The following CLSTN2 variants were observed in gnomAD, a reference collection of about 807,000 sequenced individuals.
CLSTN2 encodes calsyntenin-2.
CLSTN2 carries 48 observed loss-of-function variants against 101.2 expected under a neutral mutation model. The ratio of observed to expected loss-of-function variants is 0.47; its 90% confidence interval spans 0.38 to 0.60. CLSTN2 has a LOEUF of 0.60. Among genes scored for constraint, CLSTN2 ranks in the 20% least tolerant of loss-of-function variants. The pLI is 0.00. For synonymous variants in CLSTN2, 481 were observed against 463.6 expected, an observed-to-expected ratio of 1.04 and a Z score of -0.48; for missense variants, 1,160 against 1,238.2, an observed-to-expected ratio of 0.94 and a Z score of 0.95.
chr3:140,487,926 G>A (rs1439227789), intron 8 of CLSTN2, among the ~76,000 whole-genome samples: 1 of 152,190 alleles, frequency 6.6e-6, no homozygotes. Context: ...GCCCACAATA[G>A]GGTTATAAAT....
rs72988127 is a variant in CLSTN2, at chr3:140,205,101, G to A, written c.232+29028G>A. ...ACGGCCCTTGTTCCATCCAGGAAGA[G>A]GGAAGACCTATTATTTGAATCTTCA... On this transcript the variant is annotated intron_variant, in intron 2 of 16. Transcript: ENST00000458420. Among the ~76,000 whole-genome samples, 1,102 of 152,266 alleles carry A rather than the reference G, an allele frequency of 7.2e-3. 13 individuals carry two copies. Among genetic ancestry groups the A allele is most frequent in the African/African-American group, 0.025 (1,026 of 41,556 alleles).
chr3:140,251,011 G>A (rs887568929), intron 2 of CLSTN2, among the ~76,000 whole-genome samples: 5 of 152,258 alleles, frequency 3.3e-5, no homozygotes, highest in African/African-American at 4.8e-5. Flanking sequence ...TCCATGTGGC[G>A]GATATGTCCA....
intron 7 of CLSTN2, among the ~76,000 whole-genome samples, chr3:140,466,088 C>T (rs912799971): frequency 2.0e-5 from 3 of 152,144 alleles, no homozygotes; most frequent in African/African-American, 7.2e-5. Flanking sequence ...TCCCCTCCTC[C>T]CAGCAGCTAA....
At chr3:140,372,413 C>T (rs1327239988) in intron 2 of CLSTN2, among the ~76,000 whole-genome samples, 1 of 152,110 alleles carries the variant, frequency 6.6e-6, no homozygotes, top group Non-Finnish European at 1.5e-5. Context: ...TAGGTATTTC[C>T]TCTTTCTGGA....
rs185318518 is a variant in CLSTN2 at position 140,439,683 on chromosome 3, G to A, written c.788-8836G>A. ...ACGACATTTCAATTCAGGTGGGTGG[G>A]GGGTGTGCACACATACACAGCACAC... On this transcript the variant is annotated intron_variant, in intron 5 of 16. Transcript: ENST00000458420. Among the ~76,000 whole-genome samples, 16 of 152,266 alleles carry A rather than the reference G, an allele frequency of 1.1e-4. No homozygotes were observed. In the East Asian group the frequency reaches 2.7e-3, roughly 26 times the overall value.
intron 9 of CLSTN2, among the ~76,000 whole-genome samples, chr3:140,543,685 T>G (rs371796455): frequency 1.3e-5 from 2 of 152,334 alleles, no homozygotes; most frequent in African/African-American, 2.4e-5. Context: ...GCAAGATAGC[T>G]GCAACAGCCA....
chr3:140,068,795 G>A (rs1336193033), intron 1 of CLSTN2, among the ~76,000 whole-genome samples: 3 of 152,218 alleles, frequency 2.0e-5, no homozygotes, highest in South Asian at 2.1e-4. Context: ...CATGGACACA[G>A]TGGTAGAAAT....
At chr3:140,455,996 C>T (rs1576577522) in intron 6 of CLSTN2, among the ~76,000 whole-genome samples, 1 of 152,146 alleles carries the variant, frequency 6.6e-6, no homozygotes, top group South Asian at 2.1e-4. Flanking sequence ...CTCAGTGTGC[C>T]CCTCTGTCAG....
chr3:140,034,753 C>T (rs911727188), intron 1 of CLSTN2, among the ~76,000 whole-genome samples: 4 of 152,224 alleles, frequency 2.6e-5, no homozygotes, highest in Non-Finnish European at 5.9e-5. Flanking sequence ...AACCTCCTCA[C>T]TCTGTAGTGT....
intron 8 of CLSTN2, among the ~76,000 whole-genome samples, chr3:140,487,636 C>T (rs1934266825): frequency 6.6e-6 from 1 of 152,216 alleles, no homozygotes; most frequent in South Asian, 2.1e-4. Context: ...ATGGGAAAGA[C>T]AGAACTCTCC....
chr3:140,494,021 T>C (rs1267129533), intron 8 of CLSTN2, among the ~76,000 whole-genome samples: 1 of 152,244 alleles, frequency 6.6e-6, no homozygotes, highest in Admixed American at 6.5e-5. Flanking sequence ...GAAGGATTTC[T>C]ATCTGGACTC....
At chr3:140,049,082 A>C (rs889010040) in intron 1 of CLSTN2, among the ~76,000 whole-genome samples, 11 of 152,178 alleles carry the variant, frequency 7.2e-5, no homozygotes, top group African/African-American at 2.7e-4. Flanking sequence ...CCAGAGAAAC[A>C]ATTGAAGGGA....
chr3:140,361,498 A>T (rs189018273), intron 2 of CLSTN2, among the ~76,000 whole-genome samples: 4 of 152,282 alleles, frequency 2.6e-5, no homozygotes, highest in Admixed American at 2.6e-4. Context: ...AAAACAAACA[A>T]AAAGATATTA....
chr3:140,246,993 G>A (rs2086523914), intron 2 of CLSTN2, among the ~76,000 whole-genome samples: 1 of 152,130 alleles, frequency 6.6e-6, no homozygotes, highest in African/African-American at 2.4e-5. Flanking sequence ...AATACCTGGG[G>A]GCCATAGTTA....
intron 1 of CLSTN2, among the ~76,000 whole-genome samples, chr3:139,978,255 A>G (rs767609208): frequency 1.3e-5 from 2 of 152,226 alleles, no homozygotes; most frequent in African/African-American, 4.8e-5. Flanking sequence ...TGTTGGTGTT[A>G]GAACTGTTTT....
At chr3:140,344,412 C>T (rs1035130681) in intron 2 of CLSTN2, among the ~76,000 whole-genome samples, 2 of 152,236 alleles carry the variant, frequency 1.3e-5, no homozygotes, top group Non-Finnish European at 2.9e-5. Flanking sequence ...GCCACTCCAA[C>T]ATCACGTTGC....
intron 1 of CLSTN2, among the ~76,000 whole-genome samples, chr3:140,042,093 G>A (rs897621061): frequency 6.6e-6 from 1 of 152,168 alleles, no homozygotes; most frequent in African/African-American, 2.4e-5. Flanking sequence ...ACAGAGCTGT[G>A]TAACCATCAC....
intron 1 of CLSTN2, among the ~76,000 whole-genome samples, chr3:140,041,015 C>A (rs953294907): frequency 6.6e-6 from 1 of 152,028 alleles, no homozygotes; most frequent in African/African-American, 2.4e-5. Context: ...TCAGACGGCC[C>A]GAGTGGAGAA....
At chr3:140,104,244 C>T (rs1390996036) in intron 1 of CLSTN2, among the ~76,000 whole-genome samples, 1 of 152,168 alleles carries the variant, frequency 6.6e-6, no homozygotes, top group East Asian at 1.9e-4. Flanking sequence ...CCCACCTGCC[C>T]TCTCCTTCAT....
Sources: gnomAD v4.1 joint callset for allele counts (sites outside exome capture counted in the v4.1 genomes callset) on GRCh38, gnomAD v4.1.1 for gene constraint, MANE v1.5 for transcripts, NCBI Gene and HGNC (gene_info 2026-07-23, HGNC 2026-07-21) for gene names.